CADPS2: variants seen among roughly 807,000 people sequenced by gnomAD.
CADPS2 encodes the protein calcium-dependent secretion activator 2.
Under a neutral mutation model 172.5 loss-of-function variants are expected in CADPS2, and 93 were observed. The ratio of observed to expected loss-of-function variants is 0.54; its 90% confidence interval spans 0.46 to 0.64. The LOEUF is 0.64. CADPS2 is among the 30% of genes least tolerant of loss of function. The pLI is 0.00. For missense variants in CADPS2, 1,420 were observed against 1,565.9 expected, an observed-to-expected ratio of 0.91 and a Z score of 1.57; for synonymous variants, 546 against 555.2, an observed-to-expected ratio of 0.98 and a Z score of 0.23.
intron 4 of CADPS2, among the ~76,000 whole-genome samples, chr7:122,625,716 T>C (rs2076020753): frequency 1.3e-5 from 2 of 152,094 alleles, no homozygotes; most frequent in South Asian, 4.1e-4. Flanking sequence ...GACTTGCCAG[T>C]GCCCACAGCC....
intron 3 of CADPS2, among the ~76,000 whole-genome samples, chr7:122,634,259 T>C (rs11760273): frequency 0.17 from 26,471 of 152,144 alleles, 3,083 homozygotes; most frequent in Non-Finnish European, 0.26. Flanking sequence ...GTACATCTGG[T>C]AGAATTCAGC....
At chr7:122,649,719 A>G (rs1410612684) in intron 3 of CADPS2, among the ~76,000 whole-genome samples, 1 of 152,048 alleles carries the variant, frequency 6.6e-6, no homozygotes, top group Admixed American at 6.6e-5. Context: ...GATCAACTAT[A>G]CCATTACATT....
intron 14 of CADPS2, among the ~76,000 whole-genome samples, chr7:122,455,072 T>C (rs1442971434): frequency 6.6e-6 from 1 of 152,150 alleles, no homozygotes; most frequent in Non-Finnish European, 1.5e-5. Context: ...TATAATGATG[T>C]ATGAGCCCCG....
chr7:122,637,565 T>C (rs995197520), intron 3 of CADPS2, among the ~76,000 whole-genome samples: 10 of 152,206 alleles, frequency 6.6e-5, no homozygotes, highest in Non-Finnish European at 1.3e-4. Context: ...TTGGGCTGTT[T>C]TACGGAATTC....
chr7:122,361,662 A>G (rs748248732), intron 25 of CADPS2, among the ~76,000 whole-genome samples: 8 of 152,186 alleles, frequency 5.3e-5, no homozygotes, highest in African/African-American at 1.2e-4. Flanking sequence ...ACATTTTTCA[A>G]CTTCAATGTG....
At chr7:122,773,199 T>C (rs1372645164) in intron 1 of CADPS2, among the ~76,000 whole-genome samples, 1 of 152,034 alleles carries the variant, frequency 6.6e-6, no homozygotes, top group African/African-American at 2.4e-5. Flanking sequence ...TAGTATTAAA[T>C]GCTAGAAAGG....
chr7:122,457,901 A>C (rs2053979572), intron 14 of CADPS2, among the ~76,000 whole-genome samples: 1 of 152,174 alleles, frequency 6.6e-6, no homozygotes, highest in Admixed American at 6.5e-5. Flanking sequence ...TTAACACTGT[A>C]TAGTGAAGTG....
intron 6 of CADPS2, among the ~76,000 whole-genome samples, chr7:122,590,453 G>A (rs2070612513): frequency 6.6e-6 from 1 of 151,896 alleles, no homozygotes; most frequent in Non-Finnish European, 1.5e-5. Context: ...ATGGATTTAT[G>A]TAATTCTTTT....
At chr7:122,797,446 C>G (rs894449852) in intron 1 of CADPS2, among the ~76,000 whole-genome samples, 1 of 152,074 alleles carries the variant, frequency 6.6e-6, no homozygotes, top group Non-Finnish European at 1.5e-5. Flanking sequence ...TGGAATCAAA[C>G]TAAATGTCCA....
intron 2 of CADPS2, among the ~76,000 whole-genome samples, chr7:122,712,300 G>A (rs532856365): frequency 6.6e-6 from 1 of 152,194 alleles, no homozygotes; most frequent in East Asian, 1.9e-4. Flanking sequence ...ATATAACAAA[G>A]GTGCTTCTCT....
chr7:122,361,237 TTTTTTTTTTAA>T (rs1317640771), intron 25 of CADPS2, among the ~76,000 whole-genome samples: 1 of 139,190 alleles, frequency 7.2e-6, no homozygotes, highest in African/African-American at 2.9e-5. Context: ...TTTTTTTTTT[TTTTTTTTTTAA>T]AATGAGATGG....
intron 1 of CADPS2, among the ~76,000 whole-genome samples, chr7:122,807,350 T>C (rs1012009666): frequency 6.6e-6 from 1 of 152,214 alleles, no homozygotes; most frequent in Admixed American, 6.5e-5. Flanking sequence ...TGGGCCCACC[T>C]GAACCCATGA....
At chr7:122,794,528 T>C (rs976915257) in intron 1 of CADPS2, among the ~76,000 whole-genome samples, 5 of 152,048 alleles carry the variant, frequency 3.3e-5, no homozygotes, top group Non-Finnish European at 7.4e-5. Flanking sequence ...GTGGGAGAGC[T>C]TGACATCCCA....
At chr7:122,678,975 G>C (rs757474731) in intron 2 of CADPS2, among the ~76,000 whole-genome samples, 1 of 151,974 alleles carries the variant, frequency 6.6e-6, no homozygotes, top group African/African-American at 2.4e-5. Flanking sequence ...CGTCATCTTC[G>C]TAAGTTGAGG....
intron 2 of CADPS2, among the ~76,000 whole-genome samples, chr7:122,711,874 A>G (rs555222707): frequency 1.3e-5 from 2 of 150,878 alleles, no homozygotes; most frequent in Admixed American, 1.3e-4. Flanking sequence ...GCTGGTCTCG[A>G]ACTCCTGACC....
rs557726066 is a variant in CADPS2 at position 122,741,670 on chromosome 7, C to A, written c.340-4602G>T. 3.2e-4 allele frequency among the ~76,000 whole-genome samples: 49 copies of A among 152,228 alleles called. No individual in the cohort carries two copies. In the South Asian group the frequency reaches 9.7e-3, roughly 30 times the overall value. ...AACATATTAATCTGTACAAAATCTA[C>A]AAAAGTAGACTTTCAGATTCCAGTT... On this transcript the variant is annotated intron_variant, in intron 1 of 29. Coordinates refer to ENST00000449022, the MANE Select transcript of CADPS2 (RefSeq NM_017954.11).
At chr7:122,732,805 T>C (rs1042860334) in intron 2 of CADPS2, among the ~76,000 whole-genome samples, 1 of 139,460 alleles carries the variant, frequency 7.2e-6, no homozygotes, top group Non-Finnish European at 1.5e-5. Flanking sequence ...CATTATATAT[T>C]ATATACATAA....
chr7:122,608,351 CTA>C (rs1483092541), intron 6 of CADPS2, among the ~76,000 whole-genome samples: 5 of 152,056 alleles, frequency 3.3e-5, no homozygotes, highest in African/African-American at 9.6e-5. Flanking sequence ...AAAATGGAAA[CTA>C]ATATGCTTTT....
chr7:122,330,059 AAAAGG>A (rs2034653500), intron 28 of CADPS2, among the ~76,000 whole-genome samples: 2 of 152,310 alleles, frequency 1.3e-5, no homozygotes, highest in South Asian at 2.1e-4. Flanking sequence ...GGTGACAAAG[AAAAGG>A]AAAGAAAAAG....
Sources: gnomAD v4.1 joint callset for allele counts (sites outside exome capture counted in the v4.1 genomes callset) on GRCh38, gnomAD v4.1.1 for gene constraint, MANE v1.5 for transcripts, NCBI Gene and HGNC (gene_info 2026-07-23, HGNC 2026-07-21) for gene names.